KHDRBS1: variants seen among roughly 807,000 people sequenced by gnomAD.
KHDRBS1 encodes KH domain-containing, RNA-binding, signal transduction-associated protein 1.
Under a neutral mutation model 48.4 loss-of-function variants are expected in KHDRBS1, and 7 were observed. The ratio of observed to expected loss-of-function variants is 0.14; its 90% CI spans 0.08 to 0.27. KHDRBS1 has a LOEUF of 0.27. Among genes scored for constraint, KHDRBS1 ranks in the 10% least tolerant of loss-of-function variants. KHDRBS1 has a pLI of 1.00. For synonymous variants in KHDRBS1, 241 were observed against 235.8 expected (o/e 1.02, Z -0.20); for missense variants, 458 against 601.2 (o/e 0.76, Z 2.49).
chr1:32,041,696 TCTC>T (rs1639286312), intron 8 of KHDRBS1, among the ~76,000 whole-genome samples: 1 of 150,626 alleles, frequency 6.6e-6, no homozygotes, highest in South Asian at 2.1e-4. Flanking sequence ...TTCAAGCACT[TCTC>T]CTGCCTCAGC....
intron 10 of KHDRBS1, among the ~76,000 whole-genome samples, chr1:32,054,239 T>G (rs899823164): frequency 2.6e-5 from 4 of 152,164 alleles, no homozygotes; most frequent in East Asian, 3.8e-4. Context: ...TGAGAGTGAC[T>G]TACATCACAT....
chr1:32,038,560 T>A lies in KHDRBS1; in HGVS notation c.1116T>A (p.Asp372Glu). Reference sequence around the variant, plus strand: ...TGTTGTTGTTGTTCTAGGGATATGATGATACATACGCAGAACAAAGTTACG... The same window carrying A: ...TGTTGTTGTTGTTCTAGGGATATGAAGATACATACGCAGAACAAAGTTACG... Reference protein sequence around the residue: ...APETYEEYGYDDTYAEQSYEG... With the variant: ...APETYEEYGYEDTYAEQSYEG... The change falls in exon 7 of 9, where the codon GAT becomes GAA. Residue 372 changes from aspartate to glutamate, a missense_variant. Physicochemically the swap from Asp to Glu is conservative, Grantham distance 45 (BLOSUM62 2). Transcript: ENST00000327300. 6.2e-7 allele frequency: 1 copy of A among 1,613,850 alleles called. No individual in the cohort carries two copies. The highest frequency in any genetic ancestry group is 8.5e-7 in the Non-Finnish European group (1 of 1,179,948).
chr1:32,046,603 G>A (rs988716286), downstream of KHDRBS1, among the ~76,000 whole-genome samples: 1 of 152,200 alleles, frequency 6.6e-6, no homozygotes, highest in African/African-American at 2.4e-5. Flanking sequence ...TCCCTGGTTT[G>A]TGTAGTTGGG....
At chr1:32,016,603 G>A (rs1403743656) in intron 1 of KHDRBS1, among the ~76,000 whole-genome samples, 2 of 152,162 alleles carry the variant, frequency 1.3e-5, no homozygotes, top group Non-Finnish European at 2.9e-5. Flanking sequence ...CCAGAGAGCA[G>A]AGTCTACTGC....
At chr1:32,022,159 C>A (rs1026226727) in intron 1 of KHDRBS1, among the ~76,000 whole-genome samples, 1 of 151,788 alleles carries the variant, frequency 6.6e-6, no homozygotes, top group Non-Finnish European at 1.5e-5. Context: ...TAGAGTAAAT[C>A]TTTAAATCTT....
At chr1:32,056,166 T>G (rs2124402411) in intron 10 of KHDRBS1, among the ~76,000 whole-genome samples, 1 of 152,126 alleles carries the variant, frequency 6.6e-6, no homozygotes, top group Middle Eastern at 3.4e-3. Context: ...CTGTGGTGAT[T>G]GTCTTTGCAT....
At position 32,014,085 on chromosome 1, in the gene KHDRBS1, G is replaced by C; in HGVS notation, c.90G>C (p.Val30=). ...SMDPSGAHPS[V]RQTPSRQPPL... is the part of the protein sequence containing the mutation. ...ACCCCTCCGGTGCCCACCCCTCGGT[G>C]CGTCAGACGCCGTCTCGGCAGCCGC... Residue 30 remains valine (V), a synonymous_variant, in exon 1 of 9, where the codon GTG becomes GTC. Coordinates refer to ENST00000327300, the MANE Select transcript of KHDRBS1 (RefSeq NM_006559.3). 6.8e-7 allele frequency: 1 copy of C among 1,463,864 alleles called. No individual in the cohort carries two copies. Among genetic ancestry groups the C allele is most frequent in the Non-Finnish European group, 9.0e-7 (1 of 1,112,462 alleles). 90.7% of individuals were successfully genotyped at this position (1,463,864 alleles called of 1,614,324 possible).
At chr1:32,017,118 C>T (rs1443822120) in intron 1 of KHDRBS1, among the ~76,000 whole-genome samples, 3 of 152,040 alleles carry the variant, frequency 2.0e-5, no homozygotes, top group African/African-American at 7.2e-5. Flanking sequence ...ATTAGCCGGG[C>T]GTGGTGGCAC....
intron 2 of KHDRBS1, among the ~76,000 whole-genome samples, chr1:32,031,239 C>T (rs1639076638): frequency 1.3e-5 from 2 of 151,872 alleles, no homozygotes; most frequent in Admixed American, 6.6e-5. Flanking sequence ...AGAGTGAGAG[C>T]CTGTCTCAAA....
intron 1 of KHDRBS1, among the ~76,000 whole-genome samples, chr1:32,015,833 G>C (rs1432173023): frequency 6.6e-6 from 1 of 152,196 alleles, no homozygotes; most frequent in Admixed American, 6.5e-5. Flanking sequence ...ACAACCCATT[G>C]TGCGGAAGTG....
chr1:32,013,872 C>G lies in KHDRBS1; in HGVS notation c.-124C>G, dbSNP rs1342684459. 2 of 936,856 alleles carry G rather than the reference C, an allele frequency of 2.1e-6. No homozygotes were observed. The highest frequency in any genetic ancestry group is 2.9e-6 in the Non-Finnish European group (2 of 699,648). The allele number at this position is 936,856 out of a possible 1,614,324, so 58.0% of individuals were successfully genotyped here. ...CCGCCTCATTTCCGGTGCTCTCTCT[C>G]GCTGGGTCGCTCGGGTCGGCTTCGG... On this transcript the variant is annotated 5_prime_UTR_variant, in exon 1 of 9. Coordinates refer to ENST00000327300, the MANE Select transcript of KHDRBS1 (RefSeq NM_006559.3).
downstream of KHDRBS1, among the ~76,000 whole-genome samples, chr1:32,045,863 G>C (rs577435679): frequency 6.6e-6 from 1 of 152,202 alleles, no homozygotes; most frequent in Non-Finnish European, 1.5e-5. Context: ...ACTATGTTGG[G>C]TCTCTTTCTG....
chr1:32,020,547 A>C (rs1399669121), intron 1 of KHDRBS1, among the ~76,000 whole-genome samples: 1 of 152,128 alleles, frequency 6.6e-6, no homozygotes, highest in African/African-American at 2.4e-5. Flanking sequence ...CATAGTAGCC[A>C]AAAACTGGAA....
intron 1 of KHDRBS1, 95 bp downstream of exon 1, chr1:32,014,472 C>G (rs925557573): frequency 8.4e-7 from 1 of 1,197,144 alleles, no homozygotes; most frequent in Non-Finnish European, 1.1e-6. Flanking sequence ...CCCTCGGGAC[C>G]GAGGCAGTCG....
Position 32,033,509 on chromosome 1 carries a change from TA to T in KHDRBS1, c.771+176del, listed in dbSNP as rs142387323. 9.1e-3 allele frequency among the ~76,000 whole-genome samples: 1,393 copies of T among 152,330 alleles called. 18 individuals are homozygous for T. Among genetic ancestry groups the T allele is most frequent in the African/African-American group, 0.032 (1,314 of 41,568 alleles). On this transcript the variant is annotated intron_variant, in intron 4 of 8. Coordinates refer to ENST00000327300, the MANE Select transcript of KHDRBS1 (RefSeq NM_006559.3). ...TACTTGCACCTAGTTCTCAAAGCAT[TA>T]TGCTCCAAGGCCACTCTATCCCTCC...
chr1:32,036,811 C>A, intron 4 of KHDRBS1, 99 bp from the exon 5 acceptor site: 1 of 1,343,812 alleles, frequency 7.4e-7, no homozygotes, highest in Non-Finnish European at 1.0e-6. Context: ...TCTGGGCTCT[C>A]AAGAGCTCTT....
intron 10 of KHDRBS1, among the ~76,000 whole-genome samples, chr1:32,057,925 T>G (rs1331225195): frequency 1.3e-5 from 2 of 151,036 alleles, no homozygotes; most frequent in Non-Finnish European, 2.9e-5. Context: ...AAGACCAGCC[T>G]GGCCAACATG....
chr1:32,039,359 A>G (rs1639241304), intron 7 of KHDRBS1, among the ~76,000 whole-genome samples, 156 bp from the exon 8 acceptor site: 3 of 152,214 alleles, frequency 2.0e-5, no homozygotes, highest in African/African-American at 7.2e-5. Context: ...TAGTCTATAC[A>G]TATTTTGGAA....
At chr1:32,059,173 AAAAAAAAAAAAC>A (rs1032725347) in intron 10 of KHDRBS1, among the ~76,000 whole-genome samples, 10 of 151,384 alleles carry the variant, frequency 6.6e-5, no homozygotes, top group African/African-American at 2.4e-4. Flanking sequence ...GAGAAAAAAA[AAAAAAAAAAAAC>A]AAAACCTTTT....
Sources: allele counts gnomAD v4.1 joint callset (sites outside exome capture counted in the v4.1 genomes callset), GRCh38; gene constraint gnomAD v4.1.1; transcripts MANE v1.5; gene names NCBI Gene and HGNC (gene_info 2026-07-23, HGNC 2026-07-21).